The following SHISA6 variants were observed in gnomAD, a reference collection of about 807,000 sequenced individuals.
SHISA6 encodes the protein shisa family member 6.
A neutral mutation model predicts 47.9 loss-of-function variants in SHISA6; 22 were observed. The ratio of observed to expected loss-of-function variants is 0.46; its 90% CI spans 0.33 to 0.66. The LOEUF is 0.66. SHISA6 is among the 30% of genes least tolerant of loss of function. The pLI is 0.02. For synonymous variants in SHISA6, 388 were observed against 337.8 expected, an observed-to-expected ratio of 1.15 and a Z score of -1.63; for missense variants, 680 against 764.6, an observed-to-expected ratio of 0.89 and a Z score of 1.30.
chr17:11,324,022 A>G (rs527358134), intron 2 of SHISA6, among the ~76,000 whole-genome samples: 1 of 152,286 alleles, frequency 6.6e-6, no homozygotes, highest in African/African-American at 2.4e-5. Context: ...GGAGCCCTTG[A>G]CATCTCAGCG....
At chr17:11,270,773 A>G (rs1262863789) in intron 2 of SHISA6, among the ~76,000 whole-genome samples, 3 of 152,198 alleles carry the variant, frequency 2.0e-5, no homozygotes, top group East Asian at 1.9e-4. Flanking sequence ...AGTCCCAGCC[A>G]TCTTCCATGC....
At chr17:11,269,035 TG>T (rs1287402519) in intron 2 of SHISA6, among the ~76,000 whole-genome samples, 1,963 of 150,174 alleles carry the variant, frequency 0.013, 26 homozygotes, top group African/African-American at 0.031. Context: ...CAGTTTTTTT[TG>T]TTTGTCTGTT....
At chr17:11,408,496 G>A (rs1914025624) in intron 3 of SHISA6, among the ~76,000 whole-genome samples, 1 of 152,182 alleles carries the variant, frequency 6.6e-6, no homozygotes, top group African/African-American at 2.4e-5. Flanking sequence ...ATCAAAACAT[G>A]CTTCCTAATA....
intron 3 of SHISA6, among the ~76,000 whole-genome samples, chr17:11,487,638 G>C (rs1383982418): frequency 1.3e-5 from 2 of 152,188 alleles, no homozygotes; most frequent in Non-Finnish European, 2.9e-5. Flanking sequence ...CTCAGCTAAA[G>C]TGTACTAATG....
At position 11,438,852 on chromosome 17, in the gene SHISA6, C is replaced by T. The variant is rs138327026; in HGVS notation, c.895+59343C>T. ...TTAGGGATCTAAGTCACAGATGATG[C>T]GGTAGGAGTTATGGCAAGATTGGGT... On this transcript the variant is annotated intron_variant, in intron 3 of 5. Transcript: ENST00000441885. Among the ~76,000 whole-genome samples, 23 of 152,152 alleles carry T rather than the reference C, an allele frequency of 1.5e-4. No homozygotes were observed. In the East Asian group the frequency reaches 3.3e-3, roughly 22 times the overall value.
rs952907420 is a variant in SHISA6, at chr17:11,331,553, A to G, written c.800-47861A>G. On this transcript the variant is annotated intron_variant, in intron 2 of 5. Transcript: ENST00000441885. ...TTTTTGAATGAAAAAAATAAAAACA[A>G]TGCACAGCTAAAATAGACGAGATGG... is the stretch of plus-strand genomic sequence containing the variant. Among the ~76,000 whole-genome samples the G allele has an allele frequency of 5.9e-5, 9 of 152,210 alleles. No homozygotes were observed. The East Asian group carries it at 7.7e-4, about 13-fold the overall frequency.
At chr17:11,259,072 G>A (rs1285023129) in intron 1 of SHISA6, among the ~76,000 whole-genome samples, 2 of 152,008 alleles carry the variant, frequency 1.3e-5, no homozygotes, top group Non-Finnish European at 2.9e-5. Context: ...GGATGGATGA[G>A]GGGATGAATT....
intron 1 of SHISA6, among the ~76,000 whole-genome samples, chr17:11,254,109 T>C (rs183007437): frequency 5.9e-5 from 9 of 152,344 alleles, no homozygotes; most frequent in Admixed American, 5.9e-4. Flanking sequence ...CTTAGTCTGC[T>C]TATGTGGCTC....
chr17:11,414,011 C>G (rs1444310785), intron 3 of SHISA6, among the ~76,000 whole-genome samples: 4 of 151,648 alleles, frequency 2.6e-5, no homozygotes, highest in African/African-American at 9.7e-5. Context: ...TCTCTTCCTT[C>G]CTTCCCTTCT....
chr17:11,441,414 C>T (rs988493425), intron 3 of SHISA6, among the ~76,000 whole-genome samples: 3 of 152,170 alleles, frequency 2.0e-5, no homozygotes, highest in Non-Finnish European at 2.9e-5. Flanking sequence ...AGGTGTGAAA[C>T]CATCTAAGCT....
intron 2 of SHISA6, among the ~76,000 whole-genome samples, chr17:11,320,281 A>G (rs1910667075): frequency 6.6e-6 from 1 of 152,206 alleles, no homozygotes; most frequent in Non-Finnish European, 1.5e-5. Flanking sequence ...AAGCTGTTTC[A>G]GAGAAATTGG....
chr17:11,460,566 T>C (rs975798213), intron 3 of SHISA6, among the ~76,000 whole-genome samples: 5 of 152,120 alleles, frequency 3.3e-5, no homozygotes, highest in Admixed American at 1.3e-4. Flanking sequence ...TAATTTTGTA[T>C]TTTTAGTAGA....
At position 11,241,409 on chromosome 17, in the gene SHISA6, C is replaced by G; in HGVS notation, c.-14C>G. 8.9e-7 allele frequency: 1 copy of G among 1,126,822 alleles called. No homozygotes were observed. The highest frequency in any genetic ancestry group is 1.1e-6 in the Non-Finnish European group (1 of 914,532). The allele number at this position is 1,126,822 out of a possible 1,614,324, so 69.8% of individuals were successfully genotyped here. A position where few individuals can be genotyped will look rare whatever the true frequency, so the allele number is the denominator to read the frequency against. ...CCGCGGAAGCCTCCCCGCGCCCTCCCGCCCGGCCCCGCCATGGCGCTGCGG... is the reference window on the plus strand; with the variant it reads ...CCGCGGAAGCCTCCCCGCGCCCTCCGGCCCGGCCCCGCCATGGCGCTGCGG... On this transcript the variant is annotated 5_prime_UTR_variant, in exon 1 of 6. Transcript: ENST00000441885. The surrounding 1 kb of genome is among the most constrained non-coding windows in gnomAD (Gnocchi z 5.5).
chr17:11,501,660 C>T (rs1309662728), intron 3 of SHISA6, among the ~76,000 whole-genome samples: 1 of 151,908 alleles, frequency 6.6e-6, no homozygotes, highest in African/African-American at 2.4e-5. Flanking sequence ...CAGATGGCCA[C>T]AAAGTGGTGC....
chr17:11,466,617 T>A (rs989921051), intron 3 of SHISA6, among the ~76,000 whole-genome samples: 1 of 152,168 alleles, frequency 6.6e-6, no homozygotes. Flanking sequence ...TCATCTGATG[T>A]CCCTCATCTC....
At chr17:11,415,088 A>G (rs564784856) in intron 3 of SHISA6, among the ~76,000 whole-genome samples, 80 of 152,152 alleles carry the variant, frequency 5.3e-4, no homozygotes, top group East Asian at 5.0e-3. Flanking sequence ...TAAAAAAAAA[A>G]AAAGAAAGAA....
chr17:11,539,737 G>C (rs1430251538), intron 3 of SHISA6, among the ~76,000 whole-genome samples: 2 of 152,160 alleles, frequency 1.3e-5, no homozygotes, highest in Non-Finnish European at 2.9e-5. Flanking sequence ...AGATTGTTTT[G>C]TCACTTTGTG....
At chr17:11,440,413 C>G (rs963958496) in intron 3 of SHISA6, among the ~76,000 whole-genome samples, 3 of 151,922 alleles carry the variant, frequency 2.0e-5, no homozygotes, top group African/African-American at 7.2e-5. Context: ...CTGCTTTCAC[C>G]TTTGACCTTG....
chr17:11,472,353 C>T (rs138609935), intron 3 of SHISA6, among the ~76,000 whole-genome samples: 2 of 152,180 alleles, frequency 1.3e-5, no homozygotes, highest in Admixed American at 6.5e-5. Context: ...CATGCCACCA[C>T]ACCTGGCTAA....
Sources: allele counts gnomAD v4.1 joint callset (sites outside exome capture counted in the v4.1 genomes callset), GRCh38; gene constraint gnomAD v4.1.1; non-coding constraint Gnocchi (gnomAD v3.1); transcripts MANE v1.5; gene names NCBI Gene and HGNC (gene_info 2026-07-23, HGNC 2026-07-21).